Variants in PCLO observed in about 807,000 individuals in gnomAD.
PCLO encodes piccolo presynaptic cytomatrix protein, also known as protein piccolo.
A neutral mutation model predicts 427.5 loss-of-function variants in PCLO; 82 were observed. The ratio of observed to expected loss-of-function variants is 0.19; its 90% CI spans 0.16 to 0.23. The LOEUF is 0.23. PCLO is among the 10% of genes least tolerant of loss of function. The probability of loss-of-function intolerance (pLI) is 1.00; values close to 1 mark genes in which losing one functional copy is unlikely to be tolerated. For synonymous variants in PCLO, 2,357 were observed against 2,155.4 expected, an observed-to-expected ratio of 1.09 and a Z score of -2.59; for missense variants, 6,239 against 6,115.9, an observed-to-expected ratio of 1.02 and a Z score of -0.67.
chr7:82,861,428 G>A (rs1419815296), intron 10 of PCLO, among the ~76,000 whole-genome samples: 2 of 151,936 alleles, frequency 1.3e-5, no homozygotes, highest in South Asian at 2.1e-4. Context: ...TGATAAAGAG[G>A]TCAATTCAGC....
intron 20 of PCLO, chr7:82,820,844 T>G: frequency 1.6e-6 from 2 of 1,231,266 alleles, no homozygotes; most frequent in Non-Finnish European, 2.0e-6. Flanking sequence ...CATTCCATTC[T>G]GCAATATGAA....
intron 9 of PCLO, among the ~76,000 whole-genome samples, chr7:82,883,497 AT>A (rs2116068818): frequency 6.6e-6 from 1 of 152,228 alleles, no homozygotes; most frequent in East Asian, 1.9e-4. Flanking sequence ...GACCTAAAGA[AT>A]TTTCACTATT....
chr7:82,959,191 C>T (rs1386690243), intron 4 of PCLO, among the ~76,000 whole-genome samples: 2 of 152,048 alleles, frequency 1.3e-5, no homozygotes, highest in Non-Finnish European at 1.5e-5. Flanking sequence ...CTCAGCCTCC[C>T]GAGTAGCTGG....
intron 3 of PCLO, among the ~76,000 whole-genome samples, chr7:83,084,316 G>A (rs1164303967): frequency 6.6e-6 from 1 of 151,884 alleles, no homozygotes; most frequent in Non-Finnish European, 1.5e-5. Context: ...ACCGTTTTAA[G>A]GCTCAAGTAT....
intron 19 of PCLO, 91 bp downstream of exon 19, chr7:82,824,145 T>C (rs571438471): frequency 6.1e-6 from 5 of 824,196 alleles, no homozygotes; most frequent in East Asian, 2.7e-5. Flanking sequence ...AATCTATTAA[T>C]ATAGGTTAAA....
intron 22 of PCLO, among the ~76,000 whole-genome samples, chr7:82,787,875 A>G (rs1198238224): frequency 6.6e-6 from 1 of 152,166 alleles, no homozygotes; most frequent in East Asian, 1.9e-4. Context: ...TTAAAAGGAA[A>G]TGAACTCAAA....
rs182710480 is a variant in PCLO, at chr7:82,850,058, G to T, written c.13655-2811C>A. The stretch of plus-strand genomic sequence containing the variant: ...GGGTCTTGCACTATCACCCAGGCTA[G>T]AGTGCAGTGGCACAATCTTGGCTCA... On this transcript the variant is annotated intron_variant, in intron 10 of 24. Coordinates refer to ENST00000333891, the MANE Select transcript of PCLO (RefSeq NM_033026.6). Among the ~76,000 whole-genome samples, 25 of 152,102 alleles carry T rather than the reference G, an allele frequency of 1.6e-4. 1 individual carries two copies. Among genetic ancestry groups the T allele is most frequent in the Admixed American group, 1.2e-3 (18 of 15,272 alleles).
At chr7:82,820,903 G>C (rs551577901) in intron 20 of PCLO, 207 of 1,230,276 alleles carry the variant, frequency 1.7e-4, no homozygotes, top group Non-Finnish European at 2.0e-4. Context: ...CCAGTGCATA[G>C]AAAAATACAA....
intron 3 of PCLO, among the ~76,000 whole-genome samples, chr7:83,093,488 A>ATTTTTTTTTTTTTT (rs1322277167): frequency 4.3e-5 from 3 of 69,338 alleles, no homozygotes; most frequent in African/African-American, 6.2e-5. Context: ...ATATATATAT[A>ATTTTTTTTTTTTTT]TATATTTTTT....
chr7:82,916,769 T>C lies in PCLO; in HGVS notation c.11217A>G (p.Thr3739=), dbSNP rs1794478078. ...TGGAAACTGTGCCCATTGTGCTGAA[T>C]GTGGATTGAGTTCCTGTGGAAATCT... is the stretch of plus-strand genomic sequence containing the variant. ...PEEISTGTQS[T]FSTMGTVSRR... is the part of the protein sequence containing the mutation. Residue 3739 remains threonine, a synonymous_variant, in exon 7 of 25, where the codon ACA becomes ACG. Coordinates refer to ENST00000333891, the MANE Select transcript of PCLO (RefSeq NM_033026.6). 1 of 1,613,572 alleles carries C rather than the reference T, an allele frequency of 6.2e-7. No individual in the cohort carries two copies. The highest frequency in any genetic ancestry group is 8.5e-7 in the Non-Finnish European group (1 of 1,179,720).
chr7:82,797,930 G>T (rs1791262263), intron 22 of PCLO, among the ~76,000 whole-genome samples: 1 of 152,068 alleles, frequency 6.6e-6, no homozygotes, highest in African/African-American at 2.4e-5. Flanking sequence ...AAATGGACTT[G>T]CTTAATAAGA....
chr7:82,951,222 A>G lies in PCLO; in HGVS notation c.9366T>C (p.His3122=), dbSNP rs375877383. The G allele has an allele frequency of 1.2e-6, 2 of 1,613,706 alleles. No homozygotes were observed. Among genetic ancestry groups the G allele is most frequent in the Non-Finnish European group, 1.7e-6 (2 of 1,179,778 alleles). Residue 3122 remains histidine, a synonymous_variant, in exon 6 of 25, where the codon CAT becomes CAC. Transcript: ENST00000333891. ...STTVRDLSGI[H]TADAVTSLPA... ...GTAATGAAGTCACTGCATCAGCCGT[A>G]TGAATACCAGACAAATCCCTCACTG...
intron 3 of PCLO, among the ~76,000 whole-genome samples, chr7:83,019,277 T>G (rs1780312137): frequency 6.6e-6 from 1 of 151,934 alleles, no homozygotes; most frequent in African/African-American, 2.4e-5. Context: ...ATTTTAAATC[T>G]TTTGCGGGGT....
intron 3 of PCLO, among the ~76,000 whole-genome samples, chr7:82,988,993 C>G (rs1407838781): frequency 6.6e-6 from 1 of 151,822 alleles, no homozygotes; most frequent in African/African-American, 2.4e-5. Flanking sequence ...CACCACCATG[C>G]CTGGCTATTT....
intron 6 of PCLO, among the ~76,000 whole-genome samples, chr7:82,929,760 TAA>T (rs1332734478): frequency 6.6e-6 from 1 of 152,196 alleles, no homozygotes; most frequent in East Asian, 1.9e-4. Context: ...TATTATTTTA[TAA>T]AATGAGCTGG....
intron 3 of PCLO, among the ~76,000 whole-genome samples, chr7:83,068,996 T>C (rs1034331332): frequency 3.3e-5 from 5 of 152,204 alleles, no homozygotes; most frequent in Non-Finnish European, 7.3e-5. Context: ...CACTTATATG[T>C]GGAATTTAAA....
At chr7:82,841,720 T>C (rs150512467) in intron 13 of PCLO, among the ~76,000 whole-genome samples, 276 of 152,198 alleles carry the variant, frequency 1.8e-3, no homozygotes, top group African/African-American at 6.2e-3. Flanking sequence ...TTTTTCATTT[T>C]GGTAAGCCGG....
At chr7:82,837,195 T>A (rs1466236196) in intron 15 of PCLO, among the ~76,000 whole-genome samples, 1 of 152,060 alleles carries the variant, frequency 6.6e-6, no homozygotes, top group Non-Finnish European at 1.5e-5. Flanking sequence ...GGGATTTACT[T>A]CCAAGTAATC....
chr7:83,160,495 T>C (rs1472472994), intron 1 of PCLO, among the ~76,000 whole-genome samples: 1 of 152,166 alleles, frequency 6.6e-6, no homozygotes, highest in East Asian at 1.9e-4. Context: ...ATGTACCTTT[T>C]ATAGAAATCT....
Sources: allele counts gnomAD v4.1 joint callset (sites outside exome capture counted in the v4.1 genomes callset), GRCh38; gene constraint gnomAD v4.1.1; transcripts MANE v1.5; gene names NCBI Gene and HGNC (gene_info 2026-07-23, HGNC 2026-07-21).